The following BET1 variants were observed in gnomAD, a reference collection of about 807,000 sequenced individuals.
BET1 encodes the protein BET1 homolog.
A neutral mutation model predicts 13.9 loss-of-function variants in BET1; 9 were observed. The observed-to-expected ratio is 0.65, with a 90% CI of 0.39 to 1.13. The LOEUF (loss-of-function observed/expected upper bound fraction) is 1.13. Among genes scored for constraint, BET1 ranks in the 50% most tolerant of loss-of-function variants. The probability of loss-of-function intolerance (pLI) is 0.01; values close to 1 mark genes in which losing one functional copy is unlikely to be tolerated. For synonymous variants in BET1, 39 were observed against 47.3 expected (o/e 0.82, Z 0.72); for missense variants, 127 against 133.6 (o/e 0.95, Z 0.24).
chr7:93,970,357 G>A (rs778552238), intron 6 of BET1, among the ~76,000 whole-genome samples: 23 of 151,782 alleles, frequency 1.5e-4, no homozygotes, highest in Non-Finnish European at 2.7e-4. Flanking sequence ...GTGTGGAGAA[G>A]CTAATGAATG....
At position 94,002,479 on chromosome 7, in the gene BET1, GA is replaced by G. The variant is rs943853071; in HGVS notation, c.19+1718del. 5.6e-4 allele frequency among the ~76,000 whole-genome samples: 77 copies of G among 136,432 alleles called. 1 individual carries two copies. Among genetic ancestry groups the G allele is most frequent in the South Asian group, 4.6e-3 (20 of 4,344 alleles). 89.5% of individuals were successfully genotyped at this position (136,432 alleles called of 152,430 possible). A position where few individuals can be genotyped will look rare whatever the true frequency, so the allele number is the denominator to read the frequency against. On this transcript the variant is annotated intron_variant, in intron 1 of 3. Coordinates refer to ENST00000222547, the MANE Select transcript of BET1 (RefSeq NM_005868.6). ...TTTTTAAAAAAAAAAAAAAAAGAAA[GA>G]AAAAAAAAGGAAAAAAGGAGAAGGT...
chr7:93,976,192 G>C (rs1417509221), intron 4 of BET1: 6 of 931,710 alleles, frequency 6.4e-6, no homozygotes, highest in Middle Eastern at 3.4e-4. Context: ...ACTCTCAGAA[G>C]AGTTACAGAA....
chr7:93,992,505 T>C, downstream of BET1: 1 of 985,318 alleles, frequency 1.0e-6, no homozygotes. Context: ...TTGACAATGA[T>C]TTCTGAATCT....
chr7:93,994,086 T>A lies in BET1; in HGVS notation c.*144A>T. 2 of 1,441,420 alleles carry A rather than the reference T, an allele frequency of 1.4e-6. No homozygotes were observed. Among genetic ancestry groups the A allele is most frequent in the Non-Finnish European group, 1.8e-6 (2 of 1,104,402 alleles). 89.3% of individuals were successfully genotyped at this position (1,441,420 alleles called of 1,614,324 possible). On this transcript the variant is annotated 3_prime_UTR_variant, in exon 4 of 4. Coordinates refer to ENST00000222547, the MANE Select transcript of BET1 (RefSeq NM_005868.6). The stretch of plus-strand genomic sequence containing the variant: ...AAGACCACTGTATTAACTAATGTGA[T>A]TTATAAAATAAGCAAAATTCAGCAA...
rs753264002 is a variant in BET1, at chr7:93,994,225, A to G, written c.*5T>C. The G allele has an allele frequency of 6.9e-6, 11 of 1,590,626 alleles. No homozygotes were observed. In the East Asian group the frequency reaches 2.5e-4, roughly 36 times the overall value. On this transcript the variant is annotated 3_prime_UTR_variant, in exon 4 of 4. Coordinates refer to ENST00000222547, the MANE Select transcript of BET1 (RefSeq NM_005868.6). The stretch of plus-strand genomic sequence containing the variant: ...GAACAAATTCCAAATTCACAATTAC[A>G]TGCATCACCTCAGTTTAATAATCCA...
Position 93,966,985 on chromosome 7 carries a change from A to G in BET1, c.*138-1298T>C, listed in dbSNP as rs758132855. Among the ~76,000 whole-genome samples the G allele has an allele frequency of 2.6e-5, 4 of 152,046 alleles. No individual in the cohort carries two copies. In the Middle Eastern group the frequency reaches 0.01, roughly 388 times the overall value. On this transcript the variant is annotated intron_variant and NMD_transcript_variant, in intron 6 of 6. Coordinates refer to the BET1 transcript ENST00000357520. ...TGTGTGGACATTGTAAGGGTAATAT[A>G]TACAGACTTAAAAAGAATATGCCTA... is the stretch of plus-strand genomic sequence containing the variant.
At chr7:93,982,224 A>G (rs1458316460) in intron 4 of BET1, among the ~76,000 whole-genome samples, 1 of 152,124 alleles carries the variant, frequency 6.6e-6, no homozygotes, top group Non-Finnish European at 1.5e-5. Flanking sequence ...ATATAGATAT[A>G]TAGATCAGTC....
intron 5 of BET1, among the ~76,000 whole-genome samples, chr7:93,974,480 A>G (rs1302589353): frequency 6.6e-6 from 1 of 152,034 alleles, no homozygotes; most frequent in African/African-American, 2.4e-5. Context: ...CTCAAAAAAG[A>G]ATAGGGCATG....
At chr7:93,982,872 C>T (rs766235806) in intron 4 of BET1, among the ~76,000 whole-genome samples, 1 of 152,138 alleles carries the variant, frequency 6.6e-6, no homozygotes, top group South Asian at 2.1e-4. Context: ...CTACATATTT[C>T]AGTAAGAATA....
At chr7:94,002,332 C>T (rs1795922889) in intron 1 of BET1, among the ~76,000 whole-genome samples, 1 of 150,952 alleles carries the variant, frequency 6.6e-6, no homozygotes, top group African/African-American at 2.4e-5. Context: ...TGCATTCATA[C>T]TTTAAAAAAA....
At chr7:93,992,800 G>T, downstream of BET1, 1 of 918,854 alleles carries the variant, frequency 1.1e-6, no homozygotes, top group Non-Finnish European at 1.3e-6. Flanking sequence ...ATGGTGTAAT[G>T]AAGAAATCAA....
chr7:93,971,577 C>A (rs867568911), intron 6 of BET1, among the ~76,000 whole-genome samples: 1 of 151,712 alleles, frequency 6.6e-6, no homozygotes, highest in East Asian at 1.9e-4. Context: ...ACCTTGTGAG[C>A]AGTCCTCTTA....
intron 6 of BET1, among the ~76,000 whole-genome samples, chr7:93,970,308 A>T (rs1228868566): frequency 1.3e-5 from 2 of 151,804 alleles, no homozygotes; most frequent in Non-Finnish European, 2.9e-5. Context: ...CCCCTGGAAC[A>T]TTGGGTAAGT....
chr7:93,994,294 C>T lies in BET1; in HGVS notation c.293G>A (p.Cys98Tyr), dbSNP rs147425141. 6.8e-6 allele frequency: 11 copies of T among 1,613,708 alleles called. No homozygotes were observed. Among genetic ancestry groups the T allele is most frequent in the Non-Finnish European group, 9.3e-6 (11 of 1,179,844 alleles). ...LSRGSQTKLL[C>Y]YMMLFSLFVF... is the part of the protein sequence containing the mutation. ...AAATAAAGAAAACAGCATCATATAG[C>T]ACAGCAGCTTTGTTTGGCTCCCTCT... The change falls in exon 4 of 4, where the codon TGC becomes TAC. Residue 98 changes from cysteine to tyrosine, a missense_variant. By Grantham distance (194) the Cys-to-Tyr change is radical. Coordinates refer to ENST00000222547, the MANE Select transcript of BET1 (RefSeq NM_005868.6).
chr7:93,986,474 T>C (rs1191940556), intron 4 of BET1, among the ~76,000 whole-genome samples: 4 of 152,210 alleles, frequency 2.6e-5, no homozygotes, highest in Non-Finnish European at 2.9e-5. Context: ...GCATCATCAA[T>C]GGCAGCAAAA....
intron 5 of BET1, among the ~76,000 whole-genome samples, chr7:93,975,527 A>G (rs765660148): frequency 1.3e-5 from 2 of 152,106 alleles, no homozygotes; most frequent in Non-Finnish European, 2.9e-5. Context: ...GTATGGCTTT[A>G]GTTGTAAAAA....
At chr7:93,997,501 T>A (rs1463763903) in intron 2 of BET1, among the ~76,000 whole-genome samples, 1 of 152,216 alleles carries the variant, frequency 6.6e-6, no homozygotes, top group Non-Finnish European at 1.5e-5. Context: ...CCAAGTGTTG[T>A]ATTTTTAAAA....
At chr7:93,967,642 G>A (rs1173523805) in intron 6 of BET1, among the ~76,000 whole-genome samples, 1 of 151,774 alleles carries the variant, frequency 6.6e-6, no homozygotes, top group Non-Finnish European at 1.5e-5. Flanking sequence ...ACAATTCAAA[G>A]TGTCTATTTT....
intron 1 of BET1, among the ~76,000 whole-genome samples, chr7:94,003,733 A>C (rs768570538): frequency 5.9e-5 from 9 of 152,136 alleles, no homozygotes; most frequent in Non-Finnish European, 1.2e-4. Context: ...TGACACATAC[A>C]TTTACCTTTG....
Sources: allele counts gnomAD v4.1 joint callset (sites outside exome capture counted in the v4.1 genomes callset), GRCh38; gene constraint gnomAD v4.1.1; transcripts MANE v1.5; gene names NCBI Gene and HGNC (gene_info 2026-07-23, HGNC 2026-07-21).